Variants in USP15 observed in about 807,000 individuals in gnomAD.
USP15 encodes ubiquitin specific peptidase 15, also known as ubiquitin carboxyl-terminal hydrolase 15.
In USP15, 18 loss-of-function variants were observed where a neutral mutation model predicts 127.1. That is an observed-to-expected ratio of 0.14 (90% CI 0.10 to 0.21). USP15 has a LOEUF of 0.21. Among genes scored for constraint, USP15 ranks in the 10% least tolerant of loss-of-function variants. The probability of loss-of-function intolerance (pLI) is 1.00; values close to 1 mark genes in which losing one functional copy is unlikely to be tolerated. For missense variants in USP15, 805 were observed against 1,159.9 expected (o/e 0.69, Z 4.44); for synonymous variants, 364 against 393.7 (o/e 0.92, Z 0.89).
At chr12:62,321,335 A>G (rs2137280492) in intron 4 of USP15, 129 bp from the exon 5 acceptor site, 1 of 568,164 alleles carries the variant, frequency 1.8e-6, no homozygotes, top group South Asian at 4.9e-5. Context: ...TGTTTTATAG[A>G]TTTATTACAT....
At chr12:62,382,330 A>G (rs897181573) in intron 9 of USP15, among the ~76,000 whole-genome samples, 1 of 152,030 alleles carries the variant, frequency 6.6e-6, no homozygotes, top group Non-Finnish European at 1.5e-5. Context: ...TGAAACTTTG[A>G]GAAGTTTTAA....
At chr12:62,348,800 T>C (rs1565877122) in intron 6 of USP15, among the ~76,000 whole-genome samples, 1 of 152,132 alleles carries the variant, frequency 6.6e-6, no homozygotes, top group Non-Finnish European at 1.5e-5. Flanking sequence ...TTTTAAAAAT[T>C]GGAATGTTCT....
At chr12:62,276,863 A>G (rs976179133) in intron 1 of USP15, among the ~76,000 whole-genome samples, 1 of 152,164 alleles carries the variant, frequency 6.6e-6, no homozygotes, top group Non-Finnish European at 1.5e-5. Context: ...TCAGAAATAA[A>G]AAGTAATGAA....
At chr12:62,329,415 A>G (rs1161099804) in intron 6 of USP15, among the ~76,000 whole-genome samples, 3 of 152,176 alleles carry the variant, frequency 2.0e-5, no homozygotes, top group African/African-American at 7.2e-5. Flanking sequence ...ATTTTGGAGA[A>G]TAACTACATC....
intron 1 of USP15, among the ~76,000 whole-genome samples, chr12:62,275,509 C>T (rs2063468231): frequency 6.6e-6 from 1 of 151,688 alleles, no homozygotes; most frequent in South Asian, 2.1e-4. Context: ...TTTGTGAGGG[C>T]CCATTAGACT....
At chr12:62,263,056 C>G (rs2063110213) in intron 1 of USP15, among the ~76,000 whole-genome samples, 1 of 152,082 alleles carries the variant, frequency 6.6e-6, no homozygotes, top group South Asian at 2.1e-4. Context: ...AAATTTGATT[C>G]AGAATTTTAA....
chr12:62,281,382 G>A (rs2063643815), intron 1 of USP15, among the ~76,000 whole-genome samples: 1 of 152,080 alleles, frequency 6.6e-6, no homozygotes, highest in African/African-American at 2.4e-5. Flanking sequence ...TATTGCCCAG[G>A]CTGGAGTGCA....
chr12:62,321,460 C>G lies in USP15; in HGVS notation c.476-4C>G. ...ATTTATATATCTTTCCTCCTTAAATCTAGATACAATTGAAAAGGAAATAAG... is the reference window on the plus strand; with the variant it reads ...ATTTATATATCTTTCCTCCTTAAATGTAGATACAATTGAAAAGGAAATAAG... On this transcript the variant is annotated splice_region_variant and splice_polypyrimidine_tract_variant and intron_variant, in intron 4 of 21. Coordinates refer to ENST00000280377, the MANE Select transcript of USP15 (RefSeq NM_001252078.2). The G allele has an allele frequency of 6.5e-7, 1 of 1,540,680 alleles. No individual in the cohort carries two copies.
At chr12:62,401,070 C>T (rs1368231937) in intron 20 of USP15, 117 bp from the exon 21 acceptor site, 2 of 535,202 alleles carry the variant, frequency 3.7e-6, no homozygotes, top group East Asian at 3.3e-5. Flanking sequence ...ATAAATAAGC[C>T]TCATAGATGA....
intron 1 of USP15, among the ~76,000 whole-genome samples, chr12:62,268,957 T>G (rs1482694346): frequency 1.3e-5 from 2 of 152,162 alleles, no homozygotes; most frequent in Non-Finnish European, 2.9e-5. Flanking sequence ...TCTGTCTTTA[T>G]ATATTTGCCT....
At chr12:62,324,727 A>G (rs1171485236) in intron 5 of USP15, among the ~76,000 whole-genome samples, 1 of 151,972 alleles carries the variant, frequency 6.6e-6, no homozygotes, top group African/African-American at 2.4e-5. Context: ...GCTAACTTTA[A>G]TATTTTAATT....
chr12:62,311,110 G>A (rs1211449556), intron 3 of USP15, among the ~76,000 whole-genome samples: 1 of 151,718 alleles, frequency 6.6e-6, no homozygotes, highest in Non-Finnish European at 1.5e-5. Context: ...TGTATATTCT[G>A]GATATTAATC....
chr12:62,298,223 T>C (rs2064195060), intron 2 of USP15, among the ~76,000 whole-genome samples: 1 of 152,162 alleles, frequency 6.6e-6, no homozygotes, highest in Non-Finnish European at 1.5e-5. Context: ...AGAAAGCATA[T>C]TTAAAGACAT....
intron 21 of USP15, among the ~76,000 whole-genome samples, chr12:62,401,804 C>T (rs896056250): frequency 1.3e-5 from 2 of 150,870 alleles, no homozygotes; most frequent in Admixed American, 6.6e-5. Flanking sequence ...GAGGAAGTTC[C>T]GTCTGTTCAC....
chr12:62,401,012 G>T (rs1434796718), intron 20 of USP15, 175 bp from the exon 21 acceptor site: 5 of 462,140 alleles, frequency 1.1e-5, no homozygotes, highest in African/African-American at 2.0e-5. Flanking sequence ...ATTATTTTTG[G>T]CATCTAATTG....
At chr12:62,312,234 A>G (rs2064700710) in intron 3 of USP15, 1 of 288,254 alleles carries the variant, frequency 3.5e-6, no homozygotes, top group Non-Finnish European at 7.2e-6. Context: ...GAAATTGTTT[A>G]TATAGTACTA....
chr12:62,304,448 T>G (rs569428900), intron 3 of USP15, among the ~76,000 whole-genome samples: 9 of 152,158 alleles, frequency 5.9e-5, no homozygotes, highest in Admixed American at 2.6e-4. Context: ...CACACTTAAA[T>G]TTGGGAATTT....
intron 8 of USP15, among the ~76,000 whole-genome samples, chr12:62,362,856 A>C (rs902107396): frequency 5.3e-5 from 8 of 152,164 alleles, no homozygotes; most frequent in Non-Finnish European, 1.5e-5. Context: ...CTTGGAGAGC[A>C]CCTGTTTTAA....
intron 19 of USP15, 81 bp from the exon 20 acceptor site, chr12:62,396,214 C>A: frequency 9.3e-7 from 1 of 1,074,864 alleles, no homozygotes; most frequent in Non-Finnish European, 1.3e-6. Flanking sequence ...ATATGTATGT[C>A]AAACAACAAT....
Sources: gnomAD v4.1 joint callset for allele counts (sites outside exome capture counted in the v4.1 genomes callset) on GRCh38, gnomAD v4.1.1 for gene constraint, MANE v1.5 for transcripts, NCBI Gene and HGNC (gene_info 2026-07-23, HGNC 2026-07-21) for gene names.